The following DGKH variants were observed in gnomAD, a reference collection of about 807,000 sequenced individuals.
The protein encoded by DGKH is DAG kinase eta.
A neutral mutation model predicts 159.3 loss-of-function variants in DGKH; 90 were observed. The ratio of observed to expected loss-of-function variants is 0.57; its 90% CI spans 0.48 to 0.67. DGKH has a LOEUF of 0.67. DGKH is among the 30% of genes least tolerant of loss of function. The pLI is 0.00. For missense variants in DGKH, 1,181 were observed against 1,506.1 expected, an observed-to-expected ratio of 0.78 and a Z score of 3.57; for synonymous variants, 536 against 553.8, an observed-to-expected ratio of 0.97 and a Z score of 0.45.
At chr13:42,124,711 A>G (rs1363881451) in intron 1 of DGKH, among the ~76,000 whole-genome samples, 2 of 152,194 alleles carry the variant, frequency 1.3e-5, no homozygotes, top group Non-Finnish European at 2.9e-5. Flanking sequence ...ATGTGGTAGG[A>G]CATTGAAATG....
At chr13:42,208,799 C>A (rs1957568316) in intron 21 of DGKH, among the ~76,000 whole-genome samples, 160 bp from the exon 22 acceptor site, 1 of 150,102 alleles carries the variant, frequency 6.7e-6, no homozygotes, top group Non-Finnish European at 1.5e-5. Flanking sequence ...TGGAAGTCAT[C>A]TTCAGAGATT....
chr13:42,224,631 A>G (rs888425282), intron 29 of DGKH, among the ~76,000 whole-genome samples: 3 of 150,762 alleles, frequency 2.0e-5, no homozygotes, highest in Non-Finnish European at 4.4e-5. Context: ...ATCTTTATGC[A>G]GGCCTACAAG....
At chr13:42,066,992 T>C (rs1882626174) in intron 1 of DGKH, among the ~76,000 whole-genome samples, 1 of 152,156 alleles carries the variant, frequency 6.6e-6, no homozygotes, top group Non-Finnish European at 1.5e-5. Flanking sequence ...CATGTGATGT[T>C]ATATATGTCA....
At chr13:42,194,856 T>C in intron 16 of DGKH, 29 bp from the exon 17 acceptor site, 5 of 1,599,122 alleles carry the variant, frequency 3.1e-6, no homozygotes, top group Non-Finnish European at 4.3e-6. Flanking sequence ...TATCATTATC[T>C]CTTTTTAATC....
intron 3 of DGKH, among the ~76,000 whole-genome samples, chr13:42,138,403 C>T (rs1955451052): frequency 6.6e-6 from 1 of 152,152 alleles, no homozygotes; most frequent in African/African-American, 2.4e-5. Context: ...CTGAAATTTC[C>T]TTGCAGATGC....
intron 27 of DGKH, 61 bp from the exon 28 acceptor site, chr13:42,219,625 A>G: frequency 2.2e-6 from 3 of 1,364,390 alleles, no homozygotes; most frequent in Non-Finnish European, 2.0e-6. Context: ...CCCTATTATC[A>G]GAGTAGGTTT....
At chr13:42,041,120 T>A (rs1371532689) in intron 1 of DGKH, among the ~76,000 whole-genome samples, 1 of 152,156 alleles carries the variant, frequency 6.6e-6, no homozygotes, top group Non-Finnish European at 1.5e-5. Context: ...TTTGTCCGGC[T>A]GATCGAGGCT....
chr13:42,082,483 A>AT (rs1361970175), intron 1 of DGKH, among the ~76,000 whole-genome samples: 1 of 151,828 alleles, frequency 6.6e-6, no homozygotes, highest in Non-Finnish European at 1.5e-5. Context: ...CTATTACAGG[A>AT]TTTTTCCTTC....
intron 1 of DGKH, among the ~76,000 whole-genome samples, chr13:42,079,225 T>TATTCTTTAGAAATGCCTCTTTAAA: frequency 1.3e-5 from 2 of 152,138 alleles, no homozygotes; most frequent in Non-Finnish European, 2.9e-5. Flanking sequence ...CCAAGAGGCA[T>TATTCTTTAGAAATGCCTCTTTAAA]ATTCTTTAAA....
intron 30 of DGKH, among the ~76,000 whole-genome samples, chr13:42,254,503 G>C (rs549152214): frequency 6.6e-6 from 1 of 152,016 alleles, no homozygotes; most frequent in East Asian, 1.9e-4. Context: ...CATGGTGGCG[G>C]GTGCCTATAA....
At chr13:42,069,482 TA>T in intron 1 of DGKH, 1 of 1,560,958 alleles carries the variant, frequency 6.4e-7, no homozygotes, top group Non-Finnish European at 8.8e-7. Flanking sequence ...TGTTGGAAAC[TA>T]AATTGAATAG....
chr13:42,132,299 G>A (rs1232028982), intron 3 of DGKH, among the ~76,000 whole-genome samples: 1 of 152,082 alleles, frequency 6.6e-6, no homozygotes, highest in East Asian at 1.9e-4. Flanking sequence ...ATTTTCCTGT[G>A]GCTGTTTGAA....
chr13:42,067,313 T>A (rs557525125), intron 1 of DGKH, among the ~76,000 whole-genome samples: 3 of 152,194 alleles, frequency 2.0e-5, no homozygotes, highest in African/African-American at 7.2e-5. Flanking sequence ...GTTTAGAACC[T>A]ATCAAATGAG....
chr13:42,200,586 A>G (rs1480460116), intron 20 of DGKH, among the ~76,000 whole-genome samples: 3 of 152,182 alleles, frequency 2.0e-5, no homozygotes, highest in South Asian at 2.1e-4. Flanking sequence ...TTGTAACTAT[A>G]TATTTTTAAT....
At chr13:42,228,438 C>CATT (rs1438871700) in intron 29 of DGKH, among the ~76,000 whole-genome samples, 29 of 152,132 alleles carry the variant, frequency 1.9e-4, no homozygotes, top group Admixed American at 7.2e-4. Context: ...ACTGCAAATG[C>CATT]ATTTACAGTC....
chr13:42,206,160 G>A lies in DGKH; in HGVS notation c.2601+14G>A. On this transcript the variant is annotated intron_variant, in intron 21 of 29. Transcript: ENST00000337343. ...AAAGAGGATGATGTAAGTAATGGGA[G>A]TAAATAGTTTGTTTCCTCAAAAATA... 1.5e-6 allele frequency: 2 copies of A among 1,370,570 alleles called. No individual in the cohort carries two copies. Among genetic ancestry groups the A allele is most frequent in the South Asian group, 2.0e-5 (1 of 51,234 alleles). 84.9% of individuals were successfully genotyped at this position (1,370,570 alleles called of 1,614,324 possible).
intron 21 of DGKH, among the ~76,000 whole-genome samples, chr13:42,207,034 T>TTTCC (rs1566191867): frequency 8.0e-5 from 7 of 87,480 alleles, no homozygotes; most frequent in East Asian, 6.4e-4. Flanking sequence ...TTTTTCTTTC[T>TTTCC]TTCTTTCCTT....
At chr13:42,175,903 G>C (rs1956590492) in intron 12 of DGKH, among the ~76,000 whole-genome samples, 1 of 152,248 alleles carries the variant, frequency 6.6e-6, no homozygotes, top group African/African-American at 2.4e-5. Flanking sequence ...GTGGGTCTTA[G>C]GCAAATTACT....
At chr13:42,046,303 T>G (rs147255048), upstream of DGKH, among the ~76,000 whole-genome samples, 587 of 152,324 alleles carry the variant, frequency 3.9e-3, 1 homozygote, top group Non-Finnish European at 6.5e-3. Context: ...GTTGGAAAGA[T>G]TGAGACCTTG....
Sources: allele counts gnomAD v4.1 joint callset (sites outside exome capture counted in the v4.1 genomes callset), GRCh38; gene constraint gnomAD v4.1.1; transcripts MANE v1.5; gene names NCBI Gene and HGNC (gene_info 2026-07-23, HGNC 2026-07-21).